The following CCSER2 variants were observed in gnomAD, a reference collection of about 807,000 sequenced individuals.
CCSER2 encodes the protein serine-rich coiled-coil domain-containing protein 2.
CCSER2 carries 46 observed loss-of-function variants against 92.3 expected under a neutral mutation model. The observed-to-expected ratio is 0.50, with a 90% CI of 0.39 to 0.64. The LOEUF is 0.64. Among genes scored for constraint, CCSER2 ranks in the 30% least tolerant of loss-of-function variants. CCSER2 has a pLI of 0.00. For synonymous variants in CCSER2, 433 were observed against 431.4 expected, an observed-to-expected ratio of 1.00 and a Z score of -0.04; for missense variants, 1,244 against 1,238.9, an observed-to-expected ratio of 1.00 and a Z score of -0.06.
chr10:84,376,543 T>G (rs1446301612), intron 3 of CCSER2, among the ~76,000 whole-genome samples: 1 of 152,170 alleles, frequency 6.6e-6, no homozygotes, highest in African/African-American at 2.4e-5. Flanking sequence ...TGTAGTTTCT[T>G]TACTCTTGTA....
At chr10:84,387,729 C>T (rs1196770410) in intron 3 of CCSER2, among the ~76,000 whole-genome samples, 2 of 151,974 alleles carry the variant, frequency 1.3e-5, no homozygotes, top group Non-Finnish European at 2.9e-5. Flanking sequence ...GGGGTTTCAC[C>T]GTGTTAGCCA....
chr10:84,491,769 C>T (rs965520732), intron 9 of CCSER2, among the ~76,000 whole-genome samples: 1 of 152,100 alleles, frequency 6.6e-6, no homozygotes, highest in Non-Finnish European at 1.5e-5. Flanking sequence ...TCCAACAAGC[C>T]CCAGTGAGAT....
At chr10:84,345,903 A>G (rs1056953505) in intron 1 of CCSER2, among the ~76,000 whole-genome samples, 7 of 152,180 alleles carry the variant, frequency 4.6e-5, no homozygotes, top group African/African-American at 1.4e-4. Context: ...AACCCCTAGA[A>G]GTTATGTCTC....
intron 2 of CCSER2, 88 bp from the exon 3 acceptor site, chr10:84,373,531 A>T: frequency 1.0e-6 from 1 of 991,332 alleles, no homozygotes; most frequent in African/African-American, 1.6e-5. Context: ...CTTTTTTGCT[A>T]TGATATATCA....
At chr10:84,504,799 G>C (rs1358043003) in intron 9 of CCSER2, among the ~76,000 whole-genome samples, 8 of 152,114 alleles carry the variant, frequency 5.3e-5, no homozygotes, top group Admixed American at 1.3e-4. Context: ...CTCAGAGCCA[G>C]AGATATTATT....
chr10:84,420,418 A>G (rs948756909), intron 4 of CCSER2, among the ~76,000 whole-genome samples: 2 of 152,200 alleles, frequency 1.3e-5, no homozygotes, highest in Non-Finnish European at 2.9e-5. Context: ...CCAAAGATAA[A>G]ATAGTATCTA....
At chr10:84,390,661 G>C (rs1841469669) in intron 3 of CCSER2, among the ~76,000 whole-genome samples, 2 of 152,096 alleles carry the variant, frequency 1.3e-5, no homozygotes. Context: ...CCAAAATGTT[G>C]TTATATGGTG....
intron 6 of CCSER2, among the ~76,000 whole-genome samples, chr10:84,450,961 C>A (rs1382741287): frequency 1.3e-5 from 2 of 152,076 alleles, no homozygotes; most frequent in African/African-American, 4.8e-5. Flanking sequence ...TGGTGTGTAT[C>A]TACAGTTTTT....
At chr10:84,455,972 G>A (rs1845592490) in intron 6 of CCSER2, 1 of 621,730 alleles carries the variant, frequency 1.6e-6, no homozygotes, top group South Asian at 1.4e-5. Flanking sequence ...CACCTGTAAG[G>A]GCATCACGTA....
At chr10:84,329,091 A>G (rs368123635) in intron 1 of CCSER2, among the ~76,000 whole-genome samples, 4 of 152,042 alleles carry the variant, frequency 2.6e-5, no homozygotes, top group African/African-American at 4.8e-5. Context: ...AGGAGAAATC[A>G]GGGCGAGGCT....
At chr10:84,453,950 TCTC>T (rs1238118066) in intron 6 of CCSER2, among the ~76,000 whole-genome samples, 1 of 152,168 alleles carries the variant, frequency 6.6e-6, no homozygotes, top group Non-Finnish European at 1.5e-5. Context: ...GGTGTTTCTC[TCTC>T]CTTTTTACTT....
In CCSER2 at chr10:84,499,164, C is replaced by T. The variant is rs772545481; in HGVS notation, c.2326-14285C>T. On this transcript the variant is annotated intron_variant, in intron 9 of 9. Transcript: ENST00000372088. ...ATTTTATTTTTTTTTGAGACGGAGT[C>T]TTGCTCTGTTGCCCAGGCTGGAATG... Among the ~76,000 whole-genome samples the T allele has an allele frequency of 4.1e-4, 62 of 152,020 alleles. 1 individual carries two copies. Among genetic ancestry groups the T allele is most frequent in the Admixed American group, 2.6e-4 (4 of 15,254 alleles).
At chr10:84,440,577 T>G (rs1844469421) in intron 6 of CCSER2, among the ~76,000 whole-genome samples, 2 of 152,132 alleles carry the variant, frequency 1.3e-5, no homozygotes, top group South Asian at 2.1e-4. Flanking sequence ...GTCCAAAGCT[T>G]CTCTAGAGCT....
intron 3 of CCSER2, among the ~76,000 whole-genome samples, chr10:84,408,772 C>T (rs1003275647): frequency 2.6e-5 from 4 of 152,090 alleles, no homozygotes; most frequent in Non-Finnish European, 4.4e-5. Flanking sequence ...GATTCTTTGC[C>T]GTGGCCTTAA....
chr10:84,362,802 A>G (rs1480733186), intron 1 of CCSER2, among the ~76,000 whole-genome samples: 2 of 151,888 alleles, frequency 1.3e-5, no homozygotes, highest in Non-Finnish European at 2.9e-5. Context: ...ATTTTTGCTT[A>G]TTTAATTGGT....
chr10:84,505,731 G>C (rs1255083273), intron 9 of CCSER2, among the ~76,000 whole-genome samples: 1 of 152,068 alleles, frequency 6.6e-6, no homozygotes, highest in Non-Finnish European at 1.5e-5. Flanking sequence ...TAAATGACTA[G>C]AAATGTGCAT....
chr10:84,440,788 A>G (rs1163731156), intron 6 of CCSER2, among the ~76,000 whole-genome samples: 2 of 152,184 alleles, frequency 1.3e-5, no homozygotes, highest in Non-Finnish European at 2.9e-5. Flanking sequence ...CATTTGATTG[A>G]TATTAATAAG....
intron 9 of CCSER2, among the ~76,000 whole-genome samples, chr10:84,487,987 A>G (rs562570364): frequency 3.9e-5 from 6 of 152,310 alleles, no homozygotes; most frequent in African/African-American, 2.4e-5. Context: ...TTCTGCATCT[A>G]TTGAGATAAT....
chr10:84,443,021 T>C (rs1844671044), intron 6 of CCSER2, among the ~76,000 whole-genome samples: 1 of 152,190 alleles, frequency 6.6e-6, no homozygotes, highest in Non-Finnish European at 1.5e-5. Flanking sequence ...GACTTAATTA[T>C]AAGACCTAAA....
Sources: gnomAD v4.1 joint callset for allele counts (sites outside exome capture counted in the v4.1 genomes callset) on GRCh38, gnomAD v4.1.1 for gene constraint, MANE v1.5 for transcripts, NCBI Gene and HGNC (gene_info 2026-07-23, HGNC 2026-07-21) for gene names.